Variants in DCDC2 observed in about 807,000 individuals in gnomAD.
DCDC2 encodes the protein doublecortin domain containing 2.
DCDC2 carries 40 observed loss-of-function variants against 50.2 expected under a neutral mutation model. That is an observed-to-expected ratio of 0.80 (90% CI 0.62 to 1.04). The LOEUF (loss-of-function observed/expected upper bound fraction) is 1.04. Ranked by LOEUF, DCDC2 falls within the 50% of genes least tolerant of loss-of-function variation. The probability of loss-of-function intolerance (pLI) is 0.00; values close to 1 mark genes in which losing one functional copy is unlikely to be tolerated. For synonymous variants in DCDC2, 234 were observed against 210.6 expected (o/e 1.11, Z -0.96); for missense variants, 570 against 581.9 (o/e 0.98, Z 0.21).
the DCDC2 span, among the ~76,000 whole-genome samples, chr6:24,370,693 AAG>A: frequency 2.0e-4 from 31 of 152,336 alleles, no homozygotes; most frequent in African/African-American, 7.0e-4. Flanking sequence ...CCCTGTGGCA[AAG>A]AGAGACCCTG....
At chr6:24,224,982 TA>T (rs533874584) in intron 7 of DCDC2, among the ~76,000 whole-genome samples, 330 of 152,272 alleles carry the variant, frequency 2.2e-3, no homozygotes, top group Middle Eastern at 6.8e-3. Context: ...AAAAACATAA[TA>T]AATGTGTGGG....
Position 24,172,328 on chromosome 6 carries a change from C to T in DCDC2, c.*2402G>A, listed in dbSNP as rs974401539. ...TTGTCAACAAGTGGTAAAATATGCA[C>T]ACACAAGGGATGAATATGTCCCCAT... On this transcript the variant is annotated 3_prime_UTR_variant, in exon 10 of 10. Transcript: ENST00000378454. The T allele has an allele frequency of 4.6e-5, 7 of 152,188 alleles. No homozygotes were observed. The highest frequency in any genetic ancestry group is 7.2e-5 in the African/African-American group (3 of 41,438). 9.4% of individuals were successfully genotyped at this position (152,188 alleles called of 1,614,324 possible).
rs1761435178 is a variant in DCDC2, at chr6:24,196,222, GC to G, written c.1023+8779del. Among the ~76,000 whole-genome samples, 3 of 87,642 alleles carry G rather than the reference GC, an allele frequency of 3.4e-5. No homozygotes were observed. In the South Asian group the frequency reaches 1.2e-3, roughly 34 times the overall value. 57.5% of individuals were successfully genotyped at this position (87,642 alleles called of 152,430 possible). ...TTTTTCCTTTCTGGGTTAATAATTG[GC>G]TTTTTTTTTTTATGCAATACTCTCT... On this transcript the variant is annotated intron_variant, in intron 8 of 9. Transcript: ENST00000378454.
chr6:24,318,757 T>A (rs560928263), intron 2 of DCDC2, among the ~76,000 whole-genome samples: 1 of 135,818 alleles, frequency 7.4e-6, no homozygotes, highest in South Asian at 2.4e-4. Context: ...AACAGCTGAA[T>A]AATATTCCGT....
chr6:24,373,271 A>G, the DCDC2 span, among the ~76,000 whole-genome samples: 1 of 152,270 alleles, frequency 6.6e-6, no homozygotes, highest in African/African-American at 2.4e-5. Flanking sequence ...GCACATGTGC[A>G]TCAGGAGACA....
intron 2 of DCDC2, among the ~76,000 whole-genome samples, chr6:24,333,411 C>T (rs1455659680): frequency 3.3e-5 from 5 of 152,132 alleles, no homozygotes; most frequent in Non-Finnish European, 7.4e-5. Flanking sequence ...GACCAGAACT[C>T]AAAGTAAGAA....
intron 7 of DCDC2, among the ~76,000 whole-genome samples, chr6:24,216,339 G>A (rs1173908668): frequency 6.6e-6 from 1 of 151,816 alleles, no homozygotes; most frequent in Non-Finnish European, 1.5e-5. Context: ...AAAAAAAAAA[G>A]AGTAGGCTGT....
At chr6:24,195,676 C>T (rs1761418118) in intron 8 of DCDC2, among the ~76,000 whole-genome samples, 1 of 152,186 alleles carries the variant, frequency 6.6e-6, no homozygotes, top group Non-Finnish European at 1.5e-5. Context: ...ATGCCCATAG[C>T]ACTCCCCCAG....
intron 6 of DCDC2, among the ~76,000 whole-genome samples, chr6:24,285,500 C>T (rs72830864): frequency 0.12 from 18,405 of 151,974 alleles, 1,116 homozygotes; most frequent in East Asian, 0.17. Context: ...AAGTAGACCA[C>T]GAGTATCAGA....
intron 2 of DCDC2, among the ~76,000 whole-genome samples, chr6:24,325,637 G>T (rs1759845817): frequency 6.7e-6 from 1 of 149,348 alleles, no homozygotes; most frequent in Non-Finnish European, 1.5e-5. Context: ...TGCAAGTTCA[G>T]GGTACATATA....
At chr6:24,179,953 CA>C (rs56376644) in intron 8 of DCDC2, among the ~76,000 whole-genome samples, 114 of 85,974 alleles carry the variant, frequency 1.3e-3, no homozygotes, top group Middle Eastern at 6.5e-3. Flanking sequence ...GACTCCATCT[CA>C]AAAAAAAAAA....
chr6:24,353,365 C>T (rs1050604899), intron 2 of DCDC2: 5 of 648,250 alleles, frequency 7.7e-6, no homozygotes, highest in Admixed American at 4.3e-5. Context: ...ACATATCCTG[C>T]ACATCTTAGA....
intron 2 of DCDC2, among the ~76,000 whole-genome samples, chr6:24,349,422 C>T (rs192291593): frequency 3.8e-4 from 58 of 152,206 alleles, no homozygotes; most frequent in African/African-American, 1.1e-3. Flanking sequence ...GGTAGGAAAA[C>T]AAGAAGAGAG....
intron 7 of DCDC2, among the ~76,000 whole-genome samples, chr6:24,243,935 G>A (rs972003815): frequency 1.3e-5 from 2 of 152,172 alleles, no homozygotes; most frequent in Admixed American, 1.3e-4. Flanking sequence ...TCTGCTTCAC[G>A]ATTTTGGTTA....
upstream of DCDC2, among the ~76,000 whole-genome samples, chr6:24,359,223 T>TTATATATTATATATTA (rs1561789267): frequency 1.9e-4 from 12 of 63,208 alleles, no homozygotes; most frequent in African/African-American, 8.7e-4. Context: ...ATTATATATT[T>TTATATATTATATATTA]TATATATTTT....
chr6:24,368,762 ATAAATATTT>A, the DCDC2 span, among the ~76,000 whole-genome samples: 3 of 152,210 alleles, frequency 2.0e-5, no homozygotes, highest in African/African-American at 7.2e-5. Context: ...TAACTATGTG[ATAAATATTT>A]TAAATGACTA....
At chr6:24,184,000 G>A (rs1165228685) in intron 8 of DCDC2, among the ~76,000 whole-genome samples, 1 of 152,164 alleles carries the variant, frequency 6.6e-6, no homozygotes, top group Non-Finnish European at 1.5e-5. Flanking sequence ...ATCACACGCA[G>A]CATTTCATGC....
At chr6:24,222,301 T>C (rs1762138227) in intron 7 of DCDC2, among the ~76,000 whole-genome samples, 1 of 152,236 alleles carries the variant, frequency 6.6e-6, no homozygotes, top group African/African-American at 2.4e-5. Context: ...CTTCATGTTT[T>C]TTGCTTAATG....
At chr6:24,306,019 ACT>A (rs1320607533) in intron 2 of DCDC2, among the ~76,000 whole-genome samples, 2 of 151,700 alleles carry the variant, frequency 1.3e-5, no homozygotes, top group East Asian at 3.9e-4. Flanking sequence ...CAAGAGCAAA[ACT>A]CTGTCTCAAA....
Sources: allele counts gnomAD v4.1 joint callset (sites outside exome capture counted in the v4.1 genomes callset), GRCh38; gene constraint gnomAD v4.1.1; transcripts MANE v1.5; gene names NCBI Gene and HGNC (gene_info 2026-07-23, HGNC 2026-07-21).